The following AGGF1 variants were observed in gnomAD, a reference collection of about 807,000 sequenced individuals.
AGGF1 encodes angiogenic factor with G-patch and FHA domains 1.
Under a neutral mutation model 86.5 loss-of-function variants are expected in AGGF1, and 56 were observed. The ratio of observed to expected loss-of-function variants is 0.65; its 90% CI spans 0.52 to 0.81. The LOEUF (loss-of-function observed/expected upper bound fraction) is 0.81. Among genes scored for constraint, AGGF1 ranks in the 30% least tolerant of loss-of-function variants. The pLI is 0.00. For missense variants in AGGF1, 816 were observed against 850.9 expected (o/e 0.96, Z 0.51); for synonymous variants, 313 against 297.1 (o/e 1.05, Z -0.55).
At chr5:77,047,950 A>G (rs1747301091) in intron 6 of AGGF1, among the ~76,000 whole-genome samples, 1 of 152,118 alleles carries the variant, frequency 6.6e-6, no homozygotes, top group Non-Finnish European at 1.5e-5. Context: ...GATGCTAAAT[A>G]TGCAGCAACC....
chr5:77,040,904 C>A (rs1314303993), intron 5 of AGGF1, among the ~76,000 whole-genome samples: 1 of 152,130 alleles, frequency 6.6e-6, no homozygotes, highest in South Asian at 2.1e-4. Context: ...TGCTCTGTCA[C>A]CCAGGTTGAG....
Position 77,046,625 on chromosome 5 carries a change from C to A in AGGF1, c.1149C>A (p.Asp383Glu), listed in dbSNP as rs147756581. The change falls in exon 6 of 14, where the codon GAC becomes GAA. Residue 383 changes from aspartate to glutamate, a missense_variant. Asp to Glu is a conservative substitution (Grantham distance 45, BLOSUM62 2). Around this residue, in one of 3 missense-constraint regions of AGGF1, gnomAD observed 565 missense variants for 585.8 expected, o/e 0.96. Transcript: ENST00000312916. Reference sequence around the variant, plus strand: ...ACTCTCAGACTGAGGATAGTTATGACGAAGCCATTACCAGTGAAGGCAATG... The same window carrying A: ...ACTCTCAGACTGAGGATAGTTATGAAGAAGCCATTACCAGTGAAGGCAATG... ...ITDSQTEDSY[D>E]EAITSEGNVT... is the part of the protein sequence containing the mutation. The A allele has an allele frequency of 6.2e-7, 1 of 1,613,906 alleles. No homozygotes were observed. The highest frequency in any genetic ancestry group is 8.5e-7 in the Non-Finnish European group (1 of 1,179,924).
intron 5 of AGGF1, among the ~76,000 whole-genome samples, chr5:77,045,654 G>A (rs907280912): frequency 6.6e-6 from 1 of 152,120 alleles, no homozygotes; most frequent in Non-Finnish European, 1.5e-5. Context: ...GAGTACATTT[G>A]GATCTTTAAA....
intron 8 of AGGF1, among the ~76,000 whole-genome samples, chr5:77,049,220 A>T (rs1747327237): frequency 6.6e-6 from 1 of 152,232 alleles, no homozygotes; most frequent in Non-Finnish European, 1.5e-5. Context: ...AAGAGTAGAA[A>T]GCATATGAAG....
At chr5:77,059,538 G>A (rs965462440) in intron 11 of AGGF1, 78 bp from the exon 12 acceptor site, 14 of 1,297,878 alleles carry the variant, frequency 1.1e-5, no homozygotes, top group African/African-American at 2.9e-5. Context: ...AATCATATTC[G>A]TTAAGTAAGG....
intron 5 of AGGF1, among the ~76,000 whole-genome samples, chr5:77,040,399 C>A (rs576462795): frequency 6.7e-6 from 1 of 148,376 alleles, no homozygotes; most frequent in African/African-American, 2.5e-5. Flanking sequence ...CATGAGCCAC[C>A]GCACCCGGCC....
Position 77,062,972 on chromosome 5 carries a change from G to A in AGGF1, c.1945-80G>A, listed in dbSNP as rs73125845. ...TCAATCTTTAATAAATCAAAAAATT[G>A]TAGAGTCCTAAGTTGGACACAGCAG... is the stretch of plus-strand genomic sequence containing the variant. On this transcript the variant is annotated intron_variant, in intron 13 of 13. Transcript: ENST00000312916. 0.011 allele frequency: 15,672 copies of A among 1,461,602 alleles called. 1,336 individuals carry two copies. In the African/African-American group the frequency reaches 0.19, roughly 18 times the overall value. The allele number at this position is 1,461,602 out of a possible 1,614,324, so 90.5% of individuals were successfully genotyped here.
intron 10 of AGGF1, 32 bp from the exon 11 acceptor site, chr5:77,055,482 G>GA: frequency 2.8e-6 from 4 of 1,413,386 alleles, no homozygotes; most frequent in Admixed American, 1.7e-5. Context: ...AGATTTAGTG[G>GA]CTTTTTTTTA....
Position 77,039,836 on chromosome 5 carries a change from AG to A in AGGF1, c.870+118del, listed in dbSNP as rs1459524195. ...CTCTGCATTTCAAACATACCCATTA[AG>A]ATAACCTAGGAAAGTTTAGATGGAG... On this transcript the variant is annotated intron_variant, in intron 5 of 13. Coordinates refer to ENST00000312916, the MANE Select transcript of AGGF1 (RefSeq NM_018046.5). 1.0e-5 allele frequency: 9 copies of A among 869,918 alleles called. No homozygotes were observed. The East Asian group carries it at 2.4e-4, about 23-fold the overall frequency. The allele number at this position is 869,918 out of a possible 1,614,324, so 53.9% of individuals were successfully genotyped here. A position where few individuals can be genotyped will look rare whatever the true frequency, so the allele number is the denominator to read the frequency against.
Position 77,065,135 on chromosome 5 carries a change from G to A in AGGF1, c.*1883G>A, listed in dbSNP as rs1345892250. 3 of 152,174 alleles carry A rather than the reference G, an allele frequency of 2.0e-5. No individual in the cohort carries two copies. Among genetic ancestry groups the A allele is most frequent in the Non-Finnish European group, 4.4e-5 (3 of 68,028 alleles). The allele number at this position is 152,174 out of a possible 1,614,324, so 9.4% of individuals were successfully genotyped here. On this transcript the variant is annotated 3_prime_UTR_variant, in exon 14 of 14. Coordinates refer to ENST00000312916, the MANE Select transcript of AGGF1 (RefSeq NM_018046.5). Reference sequence around the variant, plus strand: ...TGTATATAAAAGCACTTTGTAAATTGTAAAAGTAGTACAGATGTGAGCTTC... The same window carrying A: ...TGTATATAAAAGCACTTTGTAAATTATAAAAGTAGTACAGATGTGAGCTTC...
At chr5:77,033,446 C>G (rs546251973) in intron 1 of AGGF1, among the ~76,000 whole-genome samples, 110 of 152,282 alleles carry the variant, frequency 7.2e-4, no homozygotes, top group African/African-American at 2.4e-3. Context: ...TAATCTAATT[C>G]ATAGTGATAG....
At position 77,063,223 on chromosome 5, in the gene AGGF1, A is replaced by T. The variant is rs149448993; in HGVS notation, c.2116A>T (p.Met706Leu). 9.0e-4 allele frequency: 1,454 copies of T among 1,613,814 alleles called. 15 individuals carry two copies. In the African/African-American group the frequency reaches 0.017, roughly 19 times the overall value. Residue 706 changes from methionine (M) to leucine (L), a missense_variant, in exon 14 of 14, where the codon ATG (methionine) becomes TTG (leucine). Around this residue, in one of 3 missense-constraint regions of AGGF1, gnomAD observed 565 missense variants for 585.8 expected, o/e 0.96. Coordinates refer to ENST00000312916, the MANE Select transcript of AGGF1 (RefSeq NM_018046.5). ...GCCTCAAAAAGATGACCCAGGGACC[A>T]TGCCTTGGGTAAAAGGGACTTTAGA... ...TKPQKDDPGT[M>L]PWVKGTLE
rs975983516 is a variant in AGGF1 at position 77,060,171 on chromosome 5, C to T, written c.1844+428C>T. On this transcript the variant is annotated intron_variant, in intron 12 of 13. Transcript: ENST00000312916. ...AGTGGCCTTAAAATTAACACTTTAA[C>T]AACAAAATGGAGACACTAAGTCTAT... 2.6e-5 allele frequency among the ~76,000 whole-genome samples: 4 copies of T among 152,280 alleles called. No homozygotes were observed. In the South Asian group the frequency reaches 8.3e-4, roughly 32 times the overall value.
intron 5 of AGGF1, among the ~76,000 whole-genome samples, chr5:77,043,693 C>G (rs1297410751): frequency 3.8e-4 from 54 of 142,570 alleles, no homozygotes; most frequent in African/African-American, 1.3e-3. Flanking sequence ...CCCCCCACCT[C>G]CCTCCCGGAC....
At chr5:77,055,426 G>GT in intron 10 of AGGF1, 88 bp from the exon 11 acceptor site, 1 of 867,696 alleles carries the variant, frequency 1.2e-6, no homozygotes, top group Non-Finnish European at 1.8e-6. Flanking sequence ...GGTTATATTA[G>GT]TTTTTTATTA....
At chr5:77,063,001 T>C (rs764573855) in intron 13 of AGGF1, 51 bp from the exon 14 acceptor site, 3 of 1,594,976 alleles carry the variant, frequency 1.9e-6, no homozygotes, top group Admixed American at 3.3e-5. Context: ...ACAGCAGATT[T>C]CAATGTGTTT....
At chr5:77,031,016 G>C in intron 1 of AGGF1, 40 bp downstream of exon 1, 1 of 1,607,154 alleles carries the variant, frequency 6.2e-7, no homozygotes, top group Non-Finnish European at 8.5e-7. Context: ...ATCCAGCCCA[G>C]GCGAGGCCTT....
chr5:77,033,019 G>A (rs1371655193), intron 1 of AGGF1, among the ~76,000 whole-genome samples: 1 of 152,156 alleles, frequency 6.6e-6, no homozygotes, highest in Non-Finnish European at 1.5e-5. Flanking sequence ...CGAACAGAAG[G>A]TAATTGCCTG....
intron 9 of AGGF1, among the ~76,000 whole-genome samples, chr5:77,053,319 G>A (rs1289860265): frequency 6.6e-6 from 1 of 152,200 alleles, no homozygotes; most frequent in African/African-American, 2.4e-5. Context: ...AGGAGTTCAA[G>A]ACCAGCCTGG....
Sources: gnomAD v4.1 joint callset for allele counts (sites outside exome capture counted in the v4.1 genomes callset) on GRCh38, gnomAD v4.1.1 for gene constraint, gnomAD v4.1.1 regional missense constraint, MANE v1.5 for transcripts, NCBI Gene and HGNC (gene_info 2026-07-23, HGNC 2026-07-21) for gene names.